Variants in RSF1 observed in about 807,000 individuals in gnomAD.
RSF1 encodes remodeling and spacing factor 1.
Under a neutral mutation model 145.2 loss-of-function variants are expected in RSF1, and 13 were observed. The observed-to-expected ratio is 0.09, with a 90% CI of 0.06 to 0.14. The LOEUF (loss-of-function observed/expected upper bound fraction) is 0.14. Among genes scored for constraint, RSF1 ranks in the 10% least tolerant of loss-of-function variants. RSF1 has a pLI of 1.00. For missense variants in RSF1, 1,517 were observed against 1,718.2 expected (o/e 0.88, Z 2.07); for synonymous variants, 577 against 592.6 (o/e 0.97, Z 0.38).
At chr11:77,851,745 A>G in the RSF1 span, among the ~76,000 whole-genome samples, 1 of 152,128 alleles carries the variant, frequency 6.6e-6, no homozygotes, top group Non-Finnish European at 1.5e-5. Flanking sequence ...TGCCATGGGT[A>G]AAAGCTCCCT....
At chr11:77,862,957 T>C in the RSF1 span, among the ~76,000 whole-genome samples, 1 of 152,172 alleles carries the variant, frequency 6.6e-6, no homozygotes, top group Non-Finnish European at 1.5e-5. Flanking sequence ...TTCCCATTAC[T>C]TTGGAGGTCC....
intron 5 of RSF1, among the ~76,000 whole-genome samples, chr11:77,714,623 C>T (rs1960762717): frequency 2.0e-5 from 3 of 152,174 alleles, no homozygotes; most frequent in African/African-American, 7.2e-5. Flanking sequence ...AGGCAGATCA[C>T]TTGAGCGCAG....
chr11:77,765,669 CTAT>C (rs1177056193), intron 1 of RSF1, among the ~76,000 whole-genome samples: 9 of 152,198 alleles, frequency 5.9e-5, no homozygotes, highest in Admixed American at 4.6e-4. Context: ...GTTCCTCTAA[CTAT>C]TATTTAGGCA....
At chr11:77,717,181 C>CAAAAAA (rs55686322) in intron 5 of RSF1, among the ~76,000 whole-genome samples, 1 of 129,200 alleles carries the variant, frequency 7.7e-6, no homozygotes, top group African/African-American at 2.9e-5. Flanking sequence ...AACCAAAAAC[C>CAAAAAA]AAAAAAAAAA....
rs373539023 is a variant in RSF1 at position 77,676,996 on chromosome 11, A to G, written c.3137T>C (p.Val1046Ala). 2.7e-5 allele frequency: 43 copies of G among 1,612,028 alleles called. No individual in the cohort carries two copies. In the African/African-American group the frequency reaches 2.8e-4, roughly 11 times the overall value. ...GGTGGAGATATCTTTTCCTCGGCCA[A>G]CTCCTGAATTTGGGGGAGGGAAGTT... ...DDIKEADGGG[V>A]GRGKDISTIT... Residue 1046 changes from valine to alanine, a missense_variant, in exon 13 of 16, where the codon GTT becomes GCT. Val to Ala is a moderately conservative substitution (Grantham distance 64). Around this residue, in one of 12 missense-constraint regions of RSF1, gnomAD observed 231 missense variants for 276.6 expected, o/e 0.84. Coordinates refer to ENST00000308488, the MANE Select transcript of RSF1 (RefSeq NM_016578.4).
intron 5 of RSF1, among the ~76,000 whole-genome samples, chr11:77,714,434 G>A (rs1462423403): frequency 1.3e-5 from 2 of 152,132 alleles, no homozygotes; most frequent in African/African-American, 4.8e-5. Flanking sequence ...AACAAACTCA[G>A]AGCAAACCAA....
intron 4 of RSF1, 36 bp downstream of exon 4, chr11:77,740,695 C>G: frequency 6.4e-7 from 1 of 1,562,406 alleles, no homozygotes; most frequent in Non-Finnish European, 8.8e-7. Context: ...GTACAAAACA[C>G]ACAAATAAGT....
chr11:77,769,877 T>C (rs1948264471), intron 1 of RSF1, among the ~76,000 whole-genome samples: 2 of 152,212 alleles, frequency 1.3e-5, no homozygotes, highest in Admixed American at 6.5e-5. Flanking sequence ...ATGGAAACAG[T>C]TGACACTTTA....
chr11:77,858,451 C>A, the RSF1 span, among the ~76,000 whole-genome samples: 1 of 151,568 alleles, frequency 6.6e-6, no homozygotes, highest in Non-Finnish European at 1.5e-5. Flanking sequence ...TTGGCTATTT[C>A]TTTACCTCCT....
chr11:77,833,105 G>C, the RSF1 span, among the ~76,000 whole-genome samples: 10 of 147,914 alleles, frequency 6.8e-5, no homozygotes, highest in Admixed American at 6.9e-4. Flanking sequence ...CAATCTCCGA[G>C]GTTCAAGCAA....
intron 1 of RSF1, among the ~76,000 whole-genome samples, chr11:77,808,570 G>C (rs1313851271): frequency 2.8e-5 from 2 of 72,272 alleles, no homozygotes; most frequent in Non-Finnish European, 4.3e-5. Flanking sequence ...GTCTCGCTCT[G>C]TCGCCCAGGC....
In RSF1 at chr11:77,667,155, T is replaced by C. The variant is rs534748292; in HGVS notation, c.4088A>G (p.Tyr1363Cys). Residue 1363 changes from tyrosine to cysteine, a missense_variant, in exon 16 of 16, where the codon TAT becomes TGT. Around this residue, in one of 12 missense-constraint regions of RSF1, gnomAD observed 240 missense variants for 231.8 expected, o/e 1.04. Transcript: ENST00000308488. ...NVGKVGSPLD[Y>C]SLVDLPSTNG... The stretch of plus-strand genomic sequence containing the variant: ...GGTTGAAGGTAAGTCCACTAAGCTA[T>C]AGTCCAATGGGCTCCCCACTTTGCC... 2.5e-6 allele frequency: 4 copies of C among 1,614,244 alleles called. No homozygotes were observed. Among genetic ancestry groups the C allele is most frequent in the East Asian group, 2.2e-5 (1 of 44,878 alleles).
intron 5 of RSF1, among the ~76,000 whole-genome samples, chr11:77,713,132 T>C (rs1035954398): frequency 6.6e-6 from 1 of 152,236 alleles, no homozygotes; most frequent in African/African-American, 2.4e-5. Flanking sequence ...TATGCAGGTA[T>C]ACTAACTCAT....
chr11:77,778,999 C>T (rs2135954345), intron 1 of RSF1, among the ~76,000 whole-genome samples: 1 of 151,966 alleles, frequency 6.6e-6, no homozygotes, highest in Non-Finnish European at 1.5e-5. Flanking sequence ...GGCTGGAGTG[C>T]AGTGGTACTA....
chr11:77,764,814 GCTAA>G (rs1416650906), intron 1 of RSF1, 125 bp from the exon 2 acceptor site: 1 of 627,784 alleles, frequency 1.6e-6, no homozygotes, highest in Non-Finnish European at 2.7e-6. Context: ...GTTGATACTA[GCTAA>G]CTTTTAGACC....
intron 15 of RSF1, among the ~76,000 whole-genome samples, chr11:77,668,526 CTTCT>C (rs1394220250): frequency 4.6e-5 from 7 of 152,298 alleles, no homozygotes; most frequent in African/African-American, 1.7e-4. Flanking sequence ...ATTGTCTTCT[CTTCT>C]TTGTCTATAT....
intron 4 of RSF1, among the ~76,000 whole-genome samples, chr11:77,739,779 G>A (rs1294709691): frequency 2.6e-5 from 4 of 152,132 alleles, no homozygotes; most frequent in Non-Finnish European, 4.4e-5. Flanking sequence ...TTTCTAAATA[G>A]TAAAGTTACA....
intron 10 of RSF1, 66 bp downstream of exon 10, chr11:77,685,039 G>T: frequency 1.3e-6 from 1 of 791,830 alleles, no homozygotes; most frequent in Non-Finnish European, 2.0e-6. Context: ...ATTACATAAG[G>T]TGGGTAAAAT....
intron 1 of RSF1, among the ~76,000 whole-genome samples, chr11:77,775,426 C>A (rs971781990): frequency 2.0e-5 from 3 of 152,106 alleles, no homozygotes; most frequent in Non-Finnish European, 4.4e-5. Flanking sequence ...TATCACTAAC[C>A]GAAGAGGGCT....
Sources: allele counts gnomAD v4.1 joint callset (sites outside exome capture counted in the v4.1 genomes callset), GRCh38; gene constraint gnomAD v4.1.1; regional missense constraint gnomAD v4.1.1; transcripts MANE v1.5; gene names NCBI Gene and HGNC (gene_info 2026-07-23, HGNC 2026-07-21).